Variants in CHRNA10 observed in about 807,000 individuals in gnomAD.
The protein encoded by CHRNA10 is neuronal acetylcholine receptor subunit alpha-10.
A neutral mutation model predicts 36.0 loss-of-function variants in CHRNA10; 31 were observed. The ratio of observed to expected loss-of-function variants is 0.86; its 90% CI spans 0.65 to 1.16. The LOEUF is 1.16. Among genes scored for constraint, CHRNA10 ranks in the 50% most tolerant of loss-of-function variants. The probability of loss-of-function intolerance (pLI) is 0.00; values close to 1 mark genes in which losing one functional copy is unlikely to be tolerated. For missense variants in CHRNA10, 648 were observed against 640.9 expected (o/e 1.01, Z -0.12); for synonymous variants, 302 against 287.0 (o/e 1.05, Z -0.53).
At position 3,666,417 on chromosome 11, in the gene CHRNA10, A is replaced by C. The variant is rs147150654; in HGVS notation, c.1043T>G (p.Leu348Arg). 101 of 1,613,970 alleles carry C rather than the reference A, an allele frequency of 6.3e-5. No homozygotes were observed. In the African/African-American group the frequency reaches 1.2e-3, roughly 20 times the overall value. ...ALLLGHLARG[L>R]CVRERGEPCG... The stretch of plus-strand genomic sequence containing the variant: ...GGGCTCCCCTCTTTCCCGCACGCAC[A>C]GGCCCCGTGCCAGGTGTCCCAGCAG... The change falls in exon 5 of 5, where the codon CTG (leucine) becomes CGG (arginine). Residue 348 changes from leucine to arginine, a missense_variant. Leu to Arg is a moderately radical substitution (Grantham distance 102, BLOSUM62 -2). Coordinates refer to ENST00000250699, the MANE Select transcript of CHRNA10 (RefSeq NM_020402.4).
At chr11:3,669,628 T>C in intron 2 of CHRNA10, 168 bp downstream of exon 2, 1 of 933,874 alleles carries the variant, frequency 1.1e-6, no homozygotes, top group Non-Finnish European at 1.7e-6. Flanking sequence ...AGGCACCCAA[T>C]ACTCAGTACC....
chr11:3,670,994 G>T, intron 1 of CHRNA10: 1 of 550,822 alleles, frequency 1.8e-6, no homozygotes, highest in East Asian at 3.1e-5. Context: ...TGGCCGGCAG[G>T]CCCTTCAACA....
At position 3,666,115 on chromosome 11, in the gene CHRNA10, C is replaced by A; in HGVS notation, c.1345G>T (p.Ala449Ser). 1 of 1,552,516 alleles carries A rather than the reference C, an allele frequency of 6.4e-7. No individual in the cohort carries two copies. The highest frequency in any genetic ancestry group is 8.7e-7 in the Non-Finnish European group (1 of 1,150,018). ...LVMSLLVLVQ[A>S]L ...TGACTTAGTCCCAGCCCTCACAGGG[C>A]CTGCACCAGCACCAGGAGGCTCATG... Residue 449 changes from alanine to serine, a missense_variant, in exon 5 of 5, where the codon GCC (alanine) becomes TCC (serine). By Grantham distance (99) the Ala-to-Ser change is moderately conservative. Transcript: ENST00000250699.
At chr11:3,667,915 C>T in intron 3 of CHRNA10, 151 bp from the exon 4 acceptor site, 3 of 676,070 alleles carry the variant, frequency 4.4e-6, no homozygotes, top group Non-Finnish European at 7.0e-6. Flanking sequence ...ACACTCACGA[C>T]GCAGGGGAGC....
Position 3,669,907 on chromosome 11 carries a change from C to T in CHRNA10, c.96G>A (p.Lys32=). ...AGTTGGCAAAGAGGTCACGGAACAGCTTGAGAGCCAGCCGGCCCTCAGCTC... is the reference window on the plus strand; with the variant it reads ...AGTTGGCAAAGAGGTCACGGAACAGTTTGAGAGCCAGCCGGCCCTCAGCTC... ...CLGAEGRLAL[K]LFRDLFANYT... Residue 32 remains lysine, a synonymous_variant, in exon 2 of 5, where the codon AAG becomes AAA. Transcript: ENST00000250699. 6.2e-7 allele frequency: 1 copy of T among 1,614,198 alleles called. No homozygotes were observed. Among genetic ancestry groups the T allele is most frequent in the South Asian group, 1.1e-5 (1 of 91,088 alleles).
chr11:3,669,161 G>A (rs1288906354), intron 3 of CHRNA10, 35 bp downstream of exon 3: 3 of 1,596,870 alleles, frequency 1.9e-6, no homozygotes, highest in Non-Finnish European at 2.6e-6. Flanking sequence ...GTCTAGAGAG[G>A]GGTAAGAGAG....
intron 1 of CHRNA10, 99 bp from the exon 2 acceptor site, chr11:3,670,040 T>C: frequency 7.5e-7 from 1 of 1,340,394 alleles, no homozygotes; most frequent in Non-Finnish European, 1.1e-6. Flanking sequence ...TCCTTATGAG[T>C]GTCCTCCTGG....
chr11:3,667,519 C>T lies in CHRNA10; in HGVS notation c.608G>A (p.Arg203His), dbSNP rs776864644. The change falls in exon 4 of 5, where the codon CGC becomes CAC. Residue 203 changes from arginine to histidine, a missense_variant. By Grantham distance (29) the Arg-to-His change is conservative. Transcript: ENST00000250699. Reference protein sequence around the residue: ...LADFVENVEWRVLGMPARRRV... With the variant: ...LADFVENVEWHVLGMPARRRV... The stretch of plus-strand genomic sequence containing the variant: ...CCGCCGCGCCGGCATGCCCAGCACG[C>T]GCCACTCCACGTTCTCCACGAAGTC... 6.9e-6 allele frequency: 11 copies of T among 1,585,242 alleles called. No homozygotes were observed. Among genetic ancestry groups the T allele is most frequent in the Admixed American group, 5.1e-5 (3 of 58,344 alleles).
In CHRNA10 at chr11:3,665,853, G is replaced by A; in HGVS notation, c.*254C>T. On this transcript the variant is annotated 3_prime_UTR_variant, in exon 5 of 5. Transcript: ENST00000250699. Reference sequence around the variant, plus strand: ...CAAACAATTCTGTCCCTCCAAGACTGTACTCTGTGATCTTGGCCTTTGTAG... The same window carrying A: ...CAAACAATTCTGTCCCTCCAAGACTATACTCTGTGATCTTGGCCTTTGTAG... 1 of 436,098 alleles carries A rather than the reference G, an allele frequency of 2.3e-6. No homozygotes were observed. The highest frequency in any genetic ancestry group is 4.0e-6 in the Non-Finnish European group (1 of 246,956). 27.0% of individuals were successfully genotyped at this position (436,098 alleles called of 1,614,324 possible).
chr11:3,669,711 G>A (rs764357747), intron 2 of CHRNA10, 85 bp downstream of exon 2: 3 of 1,522,240 alleles, frequency 2.0e-6, no homozygotes, highest in African/African-American at 2.7e-5. Context: ...GAAATTCCAT[G>A]GAGAATAATC....
At position 3,667,450 on chromosome 11, in the gene CHRNA10, A is replaced by G; in HGVS notation, c.677T>C (p.Val226Ala). Residue 226 changes from valine to alanine, a missense_variant, in exon 4 of 5, where the codon GTC becomes GCC. By Grantham distance (64) the Val-to-Ala change is moderately conservative. Coordinates refer to ENST00000250699, the MANE Select transcript of CHRNA10 (RefSeq NM_020402.4). ...GCGGCGCAGCAGCAGCGTGAAGGTGACGTCGGGGTAGGGCTCGGAGCAGCA... is the reference window on the plus strand; with the variant it reads ...GCGGCGCAGCAGCAGCGTGAAGGTGGCGTCGGGGTAGGGCTCGGAGCAGCA... ...YGCCSEPYPD[V>A]TFTLLLRRRA... The G allele has an allele frequency of 1.9e-6, 3 of 1,594,782 alleles. No homozygotes were observed. The East Asian group carries it at 6.8e-5, about 36-fold the overall frequency.
chr11:3,669,359 G>A lies in CHRNA10; in HGVS notation c.208-9C>T, dbSNP rs754614585. On this transcript the variant is annotated splice_polypyrimidine_tract_variant and intron_variant, in intron 2 of 4. Transcript: ENST00000250699. ...ACCTGGTTCCGTTCATCCTAGTGGGGGCAGGGAATGGCAGAGATGTGGACA... is the reference window on the plus strand; with the variant it reads ...ACCTGGTTCCGTTCATCCTAGTGGGAGCAGGGAATGGCAGAGATGTGGACA... 6 of 1,611,894 alleles carry A rather than the reference G, an allele frequency of 3.7e-6. No individual in the cohort carries two copies. The highest frequency in any genetic ancestry group is 5.1e-6 in the Non-Finnish European group (6 of 1,178,860).
Position 3,666,321 on chromosome 11 carries a change from G to A in CHRNA10, c.1139C>T (p.Ala380Val), listed in dbSNP as rs141309069. Reference protein sequence around the residue: ...QSPEGGAGPPAGPCHEPRCLC... With the variant: ...QSPEGGAGPPVGPCHEPRCLC... Reference sequence around the variant, plus strand: ...ACATCGTGGCTCGTGGCAAGGGCCCGCTGGGGGGCCAGCCCCTCCTTCAGG... The same window carrying A: ...ACATCGTGGCTCGTGGCAAGGGCCCACTGGGGGGCCAGCCCCTCCTTCAGG... The change falls in exon 5 of 5, where the codon GCG becomes GTG. Residue 380 changes from alanine (A) to valine (V), a missense_variant. Coordinates refer to ENST00000250699, the MANE Select transcript of CHRNA10 (RefSeq NM_020402.4). 2.1e-4 allele frequency: 344 copies of A among 1,613,160 alleles called. No individual in the cohort carries two copies. Among genetic ancestry groups the A allele is most frequent in the South Asian group, 1.1e-3 (98 of 90,992 alleles).
At chr11:3,671,003 C>T in intron 1 of CHRNA10, 1 of 564,638 alleles carries the variant, frequency 1.8e-6, no homozygotes, top group Non-Finnish European at 3.2e-6. Flanking sequence ...GGCCCTTCAA[C>T]ATCTGGCCCC....
At chr11:3,668,534 CTTGT>C (rs1408170243) in intron 3 of CHRNA10, 1 of 152,006 alleles carries the variant, frequency 6.6e-6, no homozygotes, top group East Asian at 1.9e-4. Context: ...TAAACTTGTG[CTTGT>C]TTTTTTTTCG....
chr11:3,669,222 C>T lies in CHRNA10; in HGVS notation c.336G>A (p.Trp112Ter). 6.2e-7 allele frequency: 1 copy of T among 1,613,830 alleles called. No homozygotes were observed. Among genetic ancestry groups the T allele is most frequent in the Admixed American group, 1.7e-5 (1 of 59,982 alleles). ...TGTTATAGAGTACGATGTCTGGCCG[C>T]CACACAAGACTGCTGGGGATGCGGA... ...DAIRIPSSLV[W>*]RPDIVLYNKA... The change falls in exon 3 of 5, where the codon TGG (tryptophan) becomes TGA (stop). Residue 112 changes from tryptophan to a stop codon, truncating the protein, a stop_gained. Coordinates refer to ENST00000250699, the MANE Select transcript of CHRNA10 (RefSeq NM_020402.4). LOFTEE classifies it high-confidence loss of function.
chr11:3,669,453 G>A, intron 2 of CHRNA10, 103 bp from the exon 3 acceptor site: 1 of 1,445,554 alleles, frequency 6.9e-7, no homozygotes, highest in Non-Finnish European at 9.4e-7. Flanking sequence ...CCACAAACCT[G>A]ACTTGTCCAT....
In CHRNA10 at chr11:3,667,637, C is replaced by A; in HGVS notation, c.490G>T (p.Asp164Tyr). The change falls in exon 4 of 5, where the codon GAC (aspartate) becomes TAC (tyrosine). Residue 164 changes from aspartate (D) to tyrosine (Y), a missense_variant. Physicochemically the swap from Asp to Tyr is radical, Grantham distance 160. Coordinates refer to ENST00000250699, the MANE Select transcript of CHRNA10 (RefSeq NM_020402.4). ...AACGTCAGGCCGCAGTGCTGGGCGT[C>A]GAACGGGAAGGCTGCTACATCCACG... ...CRVDVAAFPF[D>Y]AQHCGLTFGS... 1 of 1,557,976 alleles carries A rather than the reference C, an allele frequency of 6.4e-7. No individual in the cohort carries two copies. Among genetic ancestry groups the A allele is most frequent in the East Asian group, 2.4e-5 (1 of 42,002 alleles).
chr11:3,670,001 C>CA (rs2077702546), intron 1 of CHRNA10, 60 bp from the exon 2 acceptor site: 1 of 1,587,162 alleles, frequency 6.3e-7, no homozygotes, highest in African/African-American at 1.3e-5. Context: ...CCTCTGCTCA[C>CA]ACCCTCCACT....
Sources: allele counts gnomAD v4.1 joint callset, GRCh38; gene constraint gnomAD v4.1.1; transcripts MANE v1.5; gene names NCBI Gene and HGNC (gene_info 2026-07-23, HGNC 2026-07-21).